Variants in IQCM observed in about 807,000 individuals in gnomAD.
IQCM encodes IQ domain-containing protein M.
IQCM carries 45 observed loss-of-function variants against 57.6 expected under a neutral mutation model. The observed-to-expected ratio is 0.78, with a 90% CI of 0.62 to 1.00. The LOEUF (loss-of-function observed/expected upper bound fraction) is 1.00. IQCM is among the 50% of genes least tolerant of loss of function. The probability of loss-of-function intolerance (pLI) is 0.00; values close to 1 mark genes in which losing one functional copy is unlikely to be tolerated. For synonymous variants in IQCM, 148 were observed against 158.9 expected (o/e 0.93, Z 0.51); for missense variants, 468 against 511.6 (o/e 0.91, Z 0.82).
At chr4:149,373,819 A>G (rs540926487) in intron 13 of IQCM, among the ~76,000 whole-genome samples, 2 of 152,186 alleles carry the variant, frequency 1.3e-5, no homozygotes, top group Admixed American at 1.3e-4. Flanking sequence ...TTTAAAAAAT[A>G]TTTCTCAGAG....
intron 7 of IQCM, among the ~76,000 whole-genome samples, chr4:149,630,118 T>A (rs1312157434): frequency 6.6e-6 from 1 of 152,130 alleles, no homozygotes; most frequent in Non-Finnish European, 1.5e-5. Context: ...GCTTACAAAG[T>A]GAAAACTCTT....
intron 12 of IQCM, among the ~76,000 whole-genome samples, chr4:149,478,022 A>C (rs886473741): frequency 2.0e-5 from 3 of 152,206 alleles, no homozygotes; most frequent in African/African-American, 7.2e-5. Context: ...AAATGAAGAT[A>C]ATAATAGTAC....
intron 5 of IQCM, among the ~76,000 whole-genome samples, chr4:149,695,545 T>C (rs997876497): frequency 6.6e-6 from 1 of 152,180 alleles, no homozygotes; most frequent in East Asian, 1.9e-4. Flanking sequence ...TCAAGAGTTA[T>C]GTGGTTTGAA....
At chr4:149,602,052 A>AAAAG (rs1754358467) in intron 8 of IQCM, among the ~76,000 whole-genome samples, 1 of 151,230 alleles carries the variant, frequency 6.6e-6, no homozygotes, top group African/African-American at 2.4e-5. Flanking sequence ...AAAAAAAAAA[A>AAAAG]AAAGAAAAAA....
chr4:149,439,632 G>A (rs980987258), intron 12 of IQCM, among the ~76,000 whole-genome samples: 4 of 151,930 alleles, frequency 2.6e-5, no homozygotes, highest in Non-Finnish European at 5.9e-5. Context: ...AATTATTAAA[G>A]TGATTAATTT....
intron 9 of IQCM, among the ~76,000 whole-genome samples, chr4:149,566,955 T>A (rs1252727755): frequency 6.6e-6 from 1 of 152,176 alleles, no homozygotes; most frequent in East Asian, 1.9e-4. Flanking sequence ...TGCTTGTGAA[T>A]CCTTAACTAT....
intron 2 of IQCM, chr4:149,748,688 C>G (rs538597833): frequency 6.6e-6 from 1 of 152,216 alleles, no homozygotes; most frequent in East Asian, 1.9e-4. Context: ...AAGATCAAAG[C>G]TTACCAACAG....
At chr4:149,598,410 A>C (rs1292454122) in intron 8 of IQCM, among the ~76,000 whole-genome samples, 1 of 152,162 alleles carries the variant, frequency 6.6e-6, no homozygotes, top group Non-Finnish European at 1.5e-5. Flanking sequence ...AATAAAAACA[A>C]AAATATAAAT....
chr4:149,589,457 G>A (rs539395183), intron 8 of IQCM, among the ~76,000 whole-genome samples: 1 of 152,144 alleles, frequency 6.6e-6, no homozygotes, highest in South Asian at 2.1e-4. Context: ...AAACGTGGAA[G>A]AAAGTGTGTT....
chr4:149,586,641 C>T (rs1752671745), intron 9 of IQCM, among the ~76,000 whole-genome samples: 1 of 151,300 alleles, frequency 6.6e-6, no homozygotes, highest in Non-Finnish European at 1.5e-5. Context: ...TTACATGTGC[C>T]CTTAAAAATA....
chr4:149,802,611 G>A lies in IQCM; in HGVS notation c.-49+12700C>T, dbSNP rs1773704111. 2.0e-5 allele frequency among the ~76,000 whole-genome samples: 3 copies of A among 151,886 alleles called. No individual in the cohort carries two copies. The South Asian group carries it at 6.2e-4, about 31-fold the overall frequency. On this transcript the variant is annotated intron_variant, in intron 2 of 13. Coordinates refer to ENST00000636793, the MANE Select transcript of IQCM (RefSeq NM_001363507.2). ...CAAGGCAACATAAAAGTATGTCCTG[G>A]GAAGCTTTCCTAACTTTGGCTCAAG...
chr4:149,498,642 A>T (rs1742921373), intron 12 of IQCM, among the ~76,000 whole-genome samples: 1 of 152,142 alleles, frequency 6.6e-6, no homozygotes, highest in Non-Finnish European at 1.5e-5. Context: ...GCCCTGAAGA[A>T]CACATACAGC....
chr4:149,597,768 G>A (rs1753916090), intron 8 of IQCM, among the ~76,000 whole-genome samples: 1 of 152,168 alleles, frequency 6.6e-6, no homozygotes, highest in South Asian at 2.1e-4. Flanking sequence ...TATAATGGCA[G>A]AGTTTTGTGT....
intron 13 of IQCM, among the ~76,000 whole-genome samples, chr4:149,407,528 C>T (rs182289950): frequency 2.0e-5 from 3 of 152,094 alleles, no homozygotes; most frequent in African/African-American, 4.8e-5. Context: ...GTCCATGTAC[C>T]CATTGATTAG....
intron 7 of IQCM, among the ~76,000 whole-genome samples, chr4:149,633,568 C>G (rs1189611371): frequency 6.6e-6 from 1 of 152,150 alleles, no homozygotes; most frequent in Non-Finnish European, 1.5e-5. Flanking sequence ...ACCAACAGAT[C>G]AAATTCAACA....
intron 12 of IQCM, among the ~76,000 whole-genome samples, chr4:149,480,751 A>G (rs1293218912): frequency 6.6e-6 from 1 of 152,012 alleles, no homozygotes; most frequent in Non-Finnish European, 1.5e-5. Context: ...TGATATATTT[A>G]TTTCCTTTAT....
At chr4:149,501,076 C>T (rs17026283) in intron 12 of IQCM, among the ~76,000 whole-genome samples, 4 of 152,086 alleles carry the variant, frequency 2.6e-5, no homozygotes, top group African/African-American at 7.2e-5. Context: ...AGCTTTTTCC[C>T]TTCCATATTT....
At chr4:149,688,544 T>G (rs185746452) in intron 5 of IQCM, among the ~76,000 whole-genome samples, 2 of 152,082 alleles carry the variant, frequency 1.3e-5, no homozygotes, top group Admixed American at 6.6e-5. Context: ...AATCTACAAA[T>G]TCAACACAAT....
intron 12 of IQCM, among the ~76,000 whole-genome samples, chr4:149,477,105 T>G (rs1740285350): frequency 2.0e-5 from 3 of 152,140 alleles, no homozygotes; most frequent in African/African-American, 4.8e-5. Flanking sequence ...GTAAAATAAG[T>G]AGCAACAGAT....
Sources: gnomAD v4.1 joint callset for allele counts (sites outside exome capture counted in the v4.1 genomes callset) on GRCh38, gnomAD v4.1.1 for gene constraint, MANE v1.5 for transcripts, NCBI Gene and HGNC (gene_info 2026-07-23, HGNC 2026-07-21) for gene names.